MEGF11: variants seen among roughly 807,000 people sequenced by gnomAD.
MEGF11 encodes the protein multiple epidermal growth factor-like domains protein 11.
MEGF11 carries 126 observed loss-of-function variants against 146.6 expected under a neutral mutation model. The observed-to-expected ratio is 0.86, with a 90% CI of 0.74 to 1.00. MEGF11 has a LOEUF of 1.00. Ranked by LOEUF, MEGF11 falls within the 50% of genes least tolerant of loss-of-function variation. The probability of loss-of-function intolerance (pLI) is 0.00; values close to 1 mark genes in which losing one functional copy is unlikely to be tolerated. For missense variants in MEGF11, 1,509 were observed against 1,521.2 expected, an observed-to-expected ratio of 0.99 and a Z score of 0.13; for synonymous variants, 532 against 583.4, an observed-to-expected ratio of 0.91 and a Z score of 1.27.
chr15:66,141,289 T>TGTGTGAGAGAGAGAGA (rs1555475806), intron 1 of MEGF11, among the ~76,000 whole-genome samples: 2 of 101,198 alleles, frequency 2.0e-5, no homozygotes, highest in Non-Finnish European at 1.9e-5. Context: ...TGTGTGTGTG[T>TGTGTGAGAGAGAGAGA]GAGAGAGAGA....
intron 4 of MEGF11, among the ~76,000 whole-genome samples, chr15:66,104,370 C>T (rs1449067029): frequency 1.5e-4 from 23 of 152,220 alleles, no homozygotes; most frequent in Non-Finnish European, 4.4e-5. Flanking sequence ...AATGGCCCTG[C>T]CCTGGGAAAG....
intron 7 of MEGF11, among the ~76,000 whole-genome samples, chr15:65,977,782 G>A (rs558746397): frequency 2.0e-5 from 3 of 152,068 alleles, no homozygotes; most frequent in African/African-American, 7.2e-5. Context: ...GTGTATGCAT[G>A]TAGGCACACA....
At chr15:65,970,907 C>G in intron 7 of MEGF11, 2 of 584,000 alleles carry the variant, frequency 3.4e-6, no homozygotes, top group South Asian at 2.0e-5. Context: ...TAGGAACTGC[C>G]TATTGTATAC....
chr15:66,039,325 A>C (rs1419375907), intron 5 of MEGF11, among the ~76,000 whole-genome samples: 2 of 152,172 alleles, frequency 1.3e-5, no homozygotes, highest in East Asian at 3.9e-4. Flanking sequence ...CTTTGCTCAG[A>C]GCAGGTCCTG....
rs1327733432 is a variant in MEGF11, at chr15:65,913,820, T to C, written c.2627A>G (p.Gln876Arg). Reference sequence around the variant, plus strand: ...AGCCAGGTCTCGGCCCTTCTCTTTCTGCCGCCGCCGATGCCAGGCAAATAG... The same window carrying C: ...AGCCAGGTCTCGGCCCTTCTCTTTCCGCCGCCGCCGATGCCAGGCAAATAG... ...LGLFAWHRRR[Q>R]KEKGRDLAPR... The change falls in exon 20 of 26, where the codon CAG becomes CGG. Residue 876 changes from glutamine to arginine, a missense_variant. Gln to Arg is a conservative substitution (Grantham distance 43). Coordinates refer to ENST00000395614, the MANE Select transcript of MEGF11 (RefSeq NM_001385028.1). The C allele has an allele frequency of 6.2e-7, 1 of 1,613,990 alleles. No homozygotes were observed. The highest frequency in any genetic ancestry group is 8.5e-7 in the Non-Finnish European group (1 of 1,179,870).
chr15:66,200,136 C>A (rs1210097004), intron 1 of MEGF11, among the ~76,000 whole-genome samples: 1 of 152,358 alleles, frequency 6.6e-6, no homozygotes, highest in East Asian at 1.9e-4. Context: ...TTGCCAGAAG[C>A]TTTGTTTGCC....
At chr15:66,014,697 G>A (rs771404262) in intron 5 of MEGF11, among the ~76,000 whole-genome samples, 7 of 152,178 alleles carry the variant, frequency 4.6e-5, no homozygotes, top group Non-Finnish European at 1.0e-4. Context: ...CCCCAACATG[G>A]AGATGCCACT....
At chr15:66,072,569 C>A (rs4776713) in intron 5 of MEGF11, among the ~76,000 whole-genome samples, 147,055 of 152,304 alleles carry the variant, frequency 0.97, 71,205 homozygotes, top group East Asian at 1. Context: ...CGCAGTAGGC[C>A]TCTGATACAG....
chr15:66,017,479 G>A (rs2082928427), intron 5 of MEGF11, among the ~76,000 whole-genome samples: 1 of 152,166 alleles, frequency 6.6e-6, no homozygotes, highest in Admixed American at 6.5e-5. Flanking sequence ...CCTGGATGGG[G>A]CCAGGTCTGT....
intron 1 of MEGF11, among the ~76,000 whole-genome samples, chr15:66,224,515 C>A (rs1233258401): frequency 6.6e-6 from 1 of 151,292 alleles, no homozygotes; most frequent in African/African-American, 2.4e-5. Context: ...ACCCGGGAGG[C>A]GGAGTTTGCA....
intron 7 of MEGF11, among the ~76,000 whole-genome samples, chr15:65,978,165 TATCTCTGAGTTGGAAAATGTGTGGTTG>T (rs2081513127): frequency 6.6e-6 from 1 of 152,200 alleles, no homozygotes; most frequent in African/African-American, 2.4e-5. Flanking sequence ...GCAATCTCTA[TATCTCTGAGTTGGAAAATGTGTGGTTG>T]AAGTCACATA....
rs377174263 is a variant in MEGF11 at position 65,897,955 on chromosome 15, C to T, written c.3402G>A (p.Pro1134=). The change falls in exon 26 of 26, where the codon CCG becomes CCA. Residue 1134 remains proline, a synonymous_variant. Coordinates refer to ENST00000395614, the MANE Select transcript of MEGF11 (RefSeq NM_001385028.1). ...LPVRQSPANG[P]SQDKQS is the part of the protein sequence containing the mutation. The stretch of plus-strand genomic sequence containing the variant: ...CCTCTTAAGATTGCTTGTCCTGGGA[C>T]GGCCCATTGGCAGGGCTCTGTCTTA... The T allele has an allele frequency of 1.9e-5, 30 of 1,613,762 alleles. No individual in the cohort carries two copies. The highest frequency in any genetic ancestry group is 1.2e-4 in the African/African-American group (9 of 74,922).
chr15:66,193,037 C>T (rs2090922563), intron 1 of MEGF11, among the ~76,000 whole-genome samples: 1 of 152,212 alleles, frequency 6.6e-6, no homozygotes, highest in African/African-American at 2.4e-5. Flanking sequence ...CAAACAATCC[C>T]TGGATCGATA....
At chr15:66,080,147 C>T (rs2085786046) in intron 5 of MEGF11, among the ~76,000 whole-genome samples, 1 of 152,182 alleles carries the variant, frequency 6.6e-6, no homozygotes, top group African/African-American at 2.4e-5. Flanking sequence ...CTGCGGCCCA[C>T]AGCCCCCCAG....
At chr15:65,960,260 C>CTGAGCATCTATTTTAT (rs1160541658) in intron 9 of MEGF11, among the ~76,000 whole-genome samples, 1 of 152,190 alleles carries the variant, frequency 6.6e-6, no homozygotes, top group Non-Finnish European at 1.5e-5. Context: ...CTTACCAAAA[C>CTGAGCATCTATTTTAT]TGAGCATCTA....
At position 66,148,325 on chromosome 15, in the gene MEGF11, G is replaced by A. The variant is rs531406702; in HGVS notation, c.-8-19914C>T. ...ATCCCACTTAGGTGAGATTATTTAC[G>A]CAGAGACCTTCAGGTCTTATCTGCC... On this transcript the variant is annotated intron_variant, in intron 1 of 25. Coordinates refer to ENST00000395614, the MANE Select transcript of MEGF11 (RefSeq NM_001385028.1). Among the ~76,000 whole-genome samples, 6 of 152,290 alleles carry A rather than the reference G, an allele frequency of 3.9e-5. No homozygotes were observed. The East Asian group carries it at 1.2e-3, about 29-fold the overall frequency.
Position 65,912,129 on chromosome 15 carries a change from GC to G in MEGF11, c.2781del (p.Pro928LeufsTer35). On this transcript the variant is annotated frameshift_variant, in exon 21 of 26. Coordinates refer to ENST00000395614, the MANE Select transcript of MEGF11 (RefSeq NM_001385028.1). LOFTEE classifies it high-confidence loss of function. ...NSSYHALACG[G>X]PATSQASTLD... is the part of the protein sequence containing the mutation. ...AGAGTGCTGGCCTGGCTGGTGGCAG[GC>G]CCCCCACATGCCAGTGCGTGGTAGC... The G allele has an allele frequency of 1.6e-6, 2 of 1,232,090 alleles. No homozygotes were observed. Among genetic ancestry groups the G allele is most frequent in the Non-Finnish European group, 2.0e-6 (2 of 987,996 alleles). 76.3% of individuals were successfully genotyped at this position (1,232,090 alleles called of 1,614,324 possible).
At chr15:66,245,908 C>G (rs2092289915) in intron 1 of MEGF11, among the ~76,000 whole-genome samples, 1 of 151,992 alleles carries the variant, frequency 6.6e-6, no homozygotes, top group Admixed American at 6.6e-5. Flanking sequence ...TTAGAGAGGA[C>G]CTGAGCAAAG....
At chr15:66,199,381 C>A (rs1316876108) in intron 1 of MEGF11, among the ~76,000 whole-genome samples, 1 of 152,148 alleles carries the variant, frequency 6.6e-6, no homozygotes. Flanking sequence ...GTTTTTCTAG[C>A]CTCCACGTCC....
Sources: allele counts gnomAD v4.1 joint callset (sites outside exome capture counted in the v4.1 genomes callset), GRCh38; gene constraint gnomAD v4.1.1; transcripts MANE v1.5; gene names NCBI Gene and HGNC (gene_info 2026-07-23, HGNC 2026-07-21).